AVPR1A: variants seen among roughly 807,000 people sequenced by gnomAD.
AVPR1A encodes arginine vasopressin receptor 1A, also known as vasopressin V1a receptor.
A neutral mutation model predicts 31.5 loss-of-function variants in AVPR1A; 31 were observed. The ratio of observed to expected loss-of-function variants is 0.99; its 90% confidence interval spans 0.74 to 1.33. The LOEUF is 1.33. Ranked by LOEUF, AVPR1A falls within the 40% of genes most tolerant of loss-of-function variation. The pLI, the probability that AVPR1A is intolerant of heterozygous loss-of-function variation, is 0.00. For synonymous variants in AVPR1A, 243 were observed against 233.2 expected, an observed-to-expected ratio of 1.04 and a Z score of -0.38; for missense variants, 570 against 575.2, an observed-to-expected ratio of 0.99 and a Z score of 0.09.
rs1489739352 is a variant in AVPR1A at position 63,150,055 on chromosome 12, T to C, written c.782A>G (p.Gln261Arg). Residue 261 changes from glutamine to arginine, a missense_variant, in exon 1 of 2, where the codon CAA becomes CGA. Transcript: ENST00000299178. The surrounding 1 kb of genome is among the most constrained non-coding windows in gnomAD (Gnocchi z 4.9). ...TASRQSKGAE[Q>R]AGVAFQKGFL... ...CCCCTTTTGGAAGGCCACACCCGCT[T>C]GCTCTGCACCCTTGCTCTGGCGCGA... The C allele has an allele frequency of 1.2e-6, 2 of 1,614,036 alleles. No homozygotes were observed. The highest frequency in any genetic ancestry group is 2.7e-5 in the African/African-American group (2 of 74,934).
At chr12:63,149,140 TC>T (rs766515868) in intron 1 of AVPR1A, among the ~76,000 whole-genome samples, 9 of 152,060 alleles carry the variant, frequency 5.9e-5, no homozygotes, top group Non-Finnish European at 1.2e-4. Context: ...AGCCGTGTGG[TC>T]AAATGAGTGG....
rs1219708043 is a variant in AVPR1A at position 63,143,417 on chromosome 12, C to G, written c.*3942G>C. The G allele has an allele frequency of 2.0e-5, 3 of 152,030 alleles. No homozygotes were observed. The highest frequency in any genetic ancestry group is 2.0e-4 in the Admixed American group (3 of 15,270). The allele number at this position is 152,030 out of a possible 1,614,324, so 9.4% of individuals were successfully genotyped here. ...ACATGTACATTTTCATTCATGATAACTTAGTATGCCTAATAATTATGTTAA... is the reference window on the plus strand; with the variant it reads ...ACATGTACATTTTCATTCATGATAAGTTAGTATGCCTAATAATTATGTTAA... On this transcript the variant is annotated 3_prime_UTR_variant, in exon 2 of 2. Transcript: ENST00000299178.
At position 63,150,021 on chromosome 12, in the gene AVPR1A, G is replaced by A. The variant is rs772432170; in HGVS notation, c.816C>T (p.Leu272=). 1.9e-6 allele frequency: 3 copies of A among 1,613,920 alleles called. No homozygotes were observed. Among genetic ancestry groups the A allele is most frequent in the Non-Finnish European group, 1.7e-6 (2 of 1,180,020 alleles). Residue 272 remains leucine, a synonymous_variant, in exon 1 of 2, where the codon CTC becomes CTT. Transcript: ENST00000299178. This position sits in a 1 kb window ranked among gnomAD's most constrained non-coding sequence, Gnocchi z 4.9. Reference sequence around the variant, plus strand: ...ACTTCACGCTGCTGACACAGGGTGCGAGCAGGAACCCCTTTTGGAAGGCCA... The same window carrying A: ...ACTTCACGCTGCTGACACAGGGTGCAAGCAGGAACCCCTTTTGGAAGGCCA... ...AGVAFQKGFL[L]APCVSSVKSI... is the part of the protein sequence containing the mutation.
Position 63,150,066 on chromosome 12 carries a change from C to T in AVPR1A, c.771G>A (p.Lys257=). 1 of 1,614,130 alleles carries T rather than the reference C, an allele frequency of 6.2e-7. No homozygotes were observed. Among genetic ancestry groups the T allele is most frequent in the South Asian group, 1.1e-5 (1 of 91,080 alleles). Residue 257 remains lysine, a synonymous_variant, in exon 1 of 2, where the codon AAG becomes AAA. Coordinates refer to ENST00000299178, the MANE Select transcript of AVPR1A (RefSeq NM_000706.5). This position sits in a 1 kb window ranked among gnomAD's most constrained non-coding sequence, Gnocchi z 4.9. ...AGGCCACACCCGCTTGCTCTGCACC[C>T]TTGCTCTGGCGCGACGCCGTCTTCC... is the stretch of plus-strand genomic sequence containing the variant. ...VRGKTASRQS[K]GAEQAGVAFQ...
chr12:63,151,055 C>A lies in AVPR1A; in HGVS notation c.-219G>T. The A allele has an allele frequency of 1.6e-6, 1 of 607,890 alleles. No individual in the cohort carries two copies. The highest frequency in any genetic ancestry group is 2.7e-6 in the Non-Finnish European group (1 of 374,108). 37.7% of individuals were successfully genotyped at this position (607,890 alleles called of 1,614,324 possible). On this transcript the variant is annotated 5_prime_UTR_variant, in exon 1 of 2. It adds an upstream start codon to the 5' untranslated region. Transcript: ENST00000299178. ...CAGCAGGGTGAGCTGGCCCCTCTCC[C>A]TGCTCTGCCTTTTTTCAACTTCGGC... is the stretch of plus-strand genomic sequence containing the variant.
chr12:63,149,592 G>A (rs2120756800), intron 1 of AVPR1A, among the ~76,000 whole-genome samples: 1 of 151,870 alleles, frequency 6.6e-6, no homozygotes, highest in South Asian at 2.1e-4. Context: ...TACAAATGCA[G>A]AGTCCTGAGC....
rs778412679 is a variant in AVPR1A, at chr12:63,146,149, C to A, written c.*1210G>T. On this transcript the variant is annotated 3_prime_UTR_variant, in exon 2 of 2. Transcript: ENST00000299178. ...ATTTGATTTCATTTAGTCCTTACAA[C>A]AACCCTGTGAGGTAAGTGTTATCAA... 1 of 152,196 alleles carries A rather than the reference C, an allele frequency of 6.6e-6. No individual in the cohort carries two copies. Among genetic ancestry groups the A allele is most frequent in the Non-Finnish European group, 1.5e-5 (1 of 68,032 alleles). The allele number at this position is 152,196 out of a possible 1,614,324, so 9.4% of individuals were successfully genotyped here.
Position 63,150,724 on chromosome 12 carries a change from C to T in AVPR1A, c.113G>A (p.Gly38Asp). ...TSREAEALGE[G>D]NGPPRDVRNE... Reference sequence around the variant, plus strand: ...GCGCACGTCCCTCGGTGGGCCGTTGCCCTCCCCGAGGGCTTCGGCCTCCCG... The same window carrying T: ...GCGCACGTCCCTCGGTGGGCCGTTGTCCTCCCCGAGGGCTTCGGCCTCCCG... The change falls in exon 1 of 2, where the codon GGC becomes GAC. Residue 38 changes from glycine to aspartate, a missense_variant. Gly to Asp is a moderately conservative substitution (Grantham distance 94). Transcript: ENST00000299178. The surrounding 1 kb of genome is among the most constrained non-coding windows in gnomAD (Gnocchi z 4.9). 1 of 1,603,968 alleles carries T rather than the reference C, an allele frequency of 6.2e-7. No homozygotes were observed. Among genetic ancestry groups the T allele is most frequent in the South Asian group, 1.1e-5 (1 of 91,076 alleles).
Position 63,150,907 on chromosome 12 carries a change from G to A in AVPR1A, c.-71C>T, listed in dbSNP as rs766845596. 3 of 1,443,270 alleles carry A rather than the reference G, an allele frequency of 2.1e-6. No homozygotes were observed. The highest frequency in any genetic ancestry group is 2.7e-6 in the Non-Finnish European group (3 of 1,105,388). 89.4% of individuals were successfully genotyped at this position (1,443,270 alleles called of 1,614,324 possible). Reference sequence around the variant, plus strand: ...TCGCGGGCCGCTCCCTCCCCGTCTCGGAGGACTTGGGCTCCTCGTCCGAAG... The same window carrying A: ...TCGCGGGCCGCTCCCTCCCCGTCTCAGAGGACTTGGGCTCCTCGTCCGAAG... On this transcript the variant is annotated 5_prime_UTR_variant, in exon 1 of 2. Coordinates refer to ENST00000299178, the MANE Select transcript of AVPR1A (RefSeq NM_000706.5). The surrounding 1 kb of genome is among the most constrained non-coding windows in gnomAD (Gnocchi z 4.9).
chr12:63,150,462 G>T lies in AVPR1A; in HGVS notation c.375C>A (p.Arg125=). Reference sequence around the variant, plus strand: ...CGAACACCTGCAGGTGCTTCACCACGCGGCACAGCCAGTCGGGGCCGCGGA... The same window carrying T: ...CGAACACCTGCAGGTGCTTCACCACTCGGCACAGCCAGTCGGGGCCGCGGA... ...YRFRGPDWLC[R]VVKHLQVFGM... is the part of the protein sequence containing the mutation. The change falls in exon 1 of 2, where the codon CGC becomes CGA. Residue 125 remains arginine (R), a synonymous_variant. Coordinates refer to ENST00000299178, the MANE Select transcript of AVPR1A (RefSeq NM_000706.5). This position sits in a 1 kb window ranked among gnomAD's most constrained non-coding sequence, Gnocchi z 4.9. 1 of 1,613,482 alleles carries T rather than the reference G, an allele frequency of 6.2e-7. No individual in the cohort carries two copies. The highest frequency in any genetic ancestry group is 8.5e-7 in the Non-Finnish European group (1 of 1,179,876).
Position 63,143,225 on chromosome 12 carries a change from G to T in AVPR1A, c.*4134C>A, listed in dbSNP as rs1868333866. ...TGAATTTATTAATAATTTGACCATG[G>T]AACACAAAAATATTTCATTCATTTT... On this transcript the variant is annotated 3_prime_UTR_variant, in exon 2 of 2. Transcript: ENST00000299178. 6.6e-6 allele frequency: 1 copy of T among 151,438 alleles called. No homozygotes were observed. Among genetic ancestry groups the T allele is most frequent in the Admixed American group, 6.6e-5 (1 of 15,194 alleles). 9.4% of individuals were successfully genotyped at this position (151,438 alleles called of 1,614,324 possible). A position where few individuals can be genotyped will look rare whatever the true frequency, so the allele number is the denominator to read the frequency against.
At position 63,150,587 on chromosome 12, in the gene AVPR1A, A is replaced by G; in HGVS notation, c.250T>C (p.Ser84Pro). ...TGTCGGATGAAGAGGTGCATGCGGG[A>G]CGTCTTGCGCGGCGTCCGGTGCAGA... ...LALHRTPRKTSRMHLFIRHLS... is the reference protein window; with the variant it reads ...LALHRTPRKTPRMHLFIRHLS... Residue 84 changes from serine to proline, a missense_variant, in exon 1 of 2, where the codon TCC becomes CCC. Physicochemically the swap from Ser to Pro is moderately conservative, Grantham distance 74. Coordinates refer to ENST00000299178, the MANE Select transcript of AVPR1A (RefSeq NM_000706.5). The surrounding 1 kb of genome is among the most constrained non-coding windows in gnomAD (Gnocchi z 4.9). The G allele has an allele frequency of 6.2e-7, 1 of 1,611,498 alleles. No individual in the cohort carries two copies. Among genetic ancestry groups the G allele is most frequent in the Non-Finnish European group, 8.5e-7 (1 of 1,179,882 alleles).
In AVPR1A at chr12:63,150,171, G is replaced by T; in HGVS notation, c.666C>A (p.Gly222=). 1 of 1,613,962 alleles carries T rather than the reference G, an allele frequency of 6.2e-7. No homozygotes were observed. Among genetic ancestry groups the T allele is most frequent in the Non-Finnish European group, 8.5e-7 (1 of 1,180,036 alleles). Residue 222 remains glycine (G), a synonymous_variant, in exon 1 of 2, where the codon GGC becomes GGA. Coordinates refer to ENST00000299178, the MANE Select transcript of AVPR1A (RefSeq NM_000706.5). This position sits in a 1 kb window ranked among gnomAD's most constrained non-coding sequence, Gnocchi z 4.9. ...TGACCACGGGCGCCACAAAGATGCC[G>T]CCCGTCATCCAGGTCACGTAGGCAC... ...GSRAYVTWMT[G]GIFVAPVVIL...
intron 1 of AVPR1A, 90 bp downstream of exon 1, chr12:63,149,769 TTTTCTCTC>T (rs1413089757): frequency 1.0e-4 from 129 of 1,242,874 alleles, no homozygotes; most frequent in South Asian, 1.9e-4. Flanking sequence ...ATTCTCATTT[TTTTCTCTC>T]TCTCTCTCTC....
At chr12:63,148,653 T>A (rs1868396118) in intron 1 of AVPR1A, among the ~76,000 whole-genome samples, 1 of 152,176 alleles carries the variant, frequency 6.6e-6, no homozygotes, top group East Asian at 1.9e-4. Context: ...TGAAGAGGCT[T>A]CTAAGATCAA....
rs1868348252 is a variant in AVPR1A, at chr12:63,145,182, C to T, written c.*2177G>A. The stretch of plus-strand genomic sequence containing the variant: ...ATATTGGACAGTACCCTTTAAGAGA[C>T]ATATTTGTTATTTTTAGAAAGAAGA... On this transcript the variant is annotated 3_prime_UTR_variant, in exon 2 of 2. Coordinates refer to ENST00000299178, the MANE Select transcript of AVPR1A (RefSeq NM_000706.5). 1.3e-5 allele frequency: 4 copies of T among 312,174 alleles called. No individual in the cohort carries two copies. The highest frequency in any genetic ancestry group is 8.0e-5 in the East Asian group (1 of 12,446). 19.3% of individuals were successfully genotyped at this position (312,174 alleles called of 1,614,324 possible).
Position 63,150,361 on chromosome 12 carries a change from G to A in AVPR1A, c.476C>T (p.Thr159Ile), listed in dbSNP as rs1393840323. ...CGAGCGGCGCGCGGGCTGTTGCAGAGTCTTGAGCGGGTGGCACACCGCGAT... is the reference window on the plus strand; with the variant it reads ...CGAGCGGCGCGCGGGCTGTTGCAGAATCTTGAGCGGGTGGCACACCGCGAT... ...RYIAVCHPLK[T>I]LQQPARRSRL... The change falls in exon 1 of 2, where the codon ACT (threonine) becomes ATT (isoleucine). Residue 159 changes from threonine to isoleucine, a missense_variant. By Grantham distance (89) the Thr-to-Ile change is moderately conservative (BLOSUM62 -1). Transcript: ENST00000299178. This position sits in a 1 kb window ranked among gnomAD's most constrained non-coding sequence, Gnocchi z 4.9. 1.1e-5 allele frequency: 18 copies of A among 1,613,904 alleles called. No homozygotes were observed. The highest frequency in any genetic ancestry group is 1.5e-5 in the Non-Finnish European group (18 of 1,179,984).
intron 1 of AVPR1A, among the ~76,000 whole-genome samples, chr12:63,148,497 A>G (rs1015471405): frequency 6.6e-6 from 1 of 152,154 alleles, no homozygotes; most frequent in Non-Finnish European, 1.5e-5. Flanking sequence ...GCTGCTATCA[A>G]AGGTGATCAG....
At position 63,144,287 on chromosome 12, in the gene AVPR1A, A is replaced by C. The variant is rs542792091; in HGVS notation, c.*3072T>G. On this transcript the variant is annotated 3_prime_UTR_variant, in exon 2 of 2. Coordinates refer to ENST00000299178, the MANE Select transcript of AVPR1A (RefSeq NM_000706.5). ...AAGCCAAGTAGTTTTACACTTTAGA[A>C]TACATGCTCCAAAATTAACCCATTA... 6.6e-6 allele frequency: 1 copy of C among 152,340 alleles called. No individual in the cohort carries two copies. The highest frequency in any genetic ancestry group is 1.5e-5 in the Non-Finnish European group (1 of 68,028). 9.4% of individuals were successfully genotyped at this position (152,340 alleles called of 1,614,324 possible). A position where few individuals can be genotyped will look rare whatever the true frequency, so the allele number is the denominator to read the frequency against.
Sources: allele counts gnomAD v4.1 joint callset (sites outside exome capture counted in the v4.1 genomes callset), GRCh38; gene constraint gnomAD v4.1.1; non-coding constraint Gnocchi (gnomAD v3.1); transcripts MANE v1.5; gene names NCBI Gene and HGNC (gene_info 2026-07-23, HGNC 2026-07-21).